The following GPHN variants were observed in gnomAD, a reference collection of about 807,000 sequenced individuals.
The protein encoded by GPHN is gephyrin.
GPHN carries 17 observed loss-of-function variants against 95.5 expected under a neutral mutation model. The observed-to-expected ratio is 0.18, with a 90% CI of 0.12 to 0.27. The LOEUF (loss-of-function observed/expected upper bound fraction) is 0.27. GPHN is among the 10% of genes least tolerant of loss of function. GPHN has a pLI of 1.00. For missense variants in GPHN, 660 were observed against 978.1 expected, an observed-to-expected ratio of 0.67 and a Z score of 4.34; for synonymous variants, 320 against 322.5, an observed-to-expected ratio of 0.99 and a Z score of 0.08.
chr14:66,964,053 G>A (rs900953852), intron 8 of GPHN, among the ~76,000 whole-genome samples: 6 of 152,142 alleles, frequency 3.9e-5, no homozygotes, highest in African/African-American at 4.8e-5. Context: ...ACGTATGCCC[G>A]TTACTGGTAG....
intron 9 of GPHN, among the ~76,000 whole-genome samples, chr14:66,988,121 CT>C (rs1029527541): frequency 1.3e-5 from 2 of 150,848 alleles, no homozygotes; most frequent in Non-Finnish European, 2.9e-5. Flanking sequence ...TCTTTTCCCC[CT>C]CTTTCTTTCT....
At chr14:66,636,994 T>C (rs1480187121) in intron 1 of GPHN, among the ~76,000 whole-genome samples, 2 of 152,192 alleles carry the variant, frequency 1.3e-5, no homozygotes, top group Non-Finnish European at 2.9e-5. Context: ...ATCTCCTCAG[T>C]TAACACCCGG....
At chr14:67,144,660 C>T (rs1260412742) in intron 18 of GPHN, among the ~76,000 whole-genome samples, 1 of 152,066 alleles carries the variant, frequency 6.6e-6, no homozygotes, top group South Asian at 2.1e-4. Context: ...CTAGATCTTA[C>T]GTATATGATT....
At chr14:67,244,542 A>C in the GPHN span, among the ~76,000 whole-genome samples, 1 of 152,196 alleles carries the variant, frequency 6.6e-6, no homozygotes, top group Admixed American at 6.5e-5. Context: ...ATTCCAACTC[A>C]GAGAGCTGTG....
chr14:67,395,695 C>T, the GPHN span: 1 of 765,872 alleles, frequency 1.3e-6, no homozygotes. Flanking sequence ...TGCCAAATGC[C>T]CTGAGCCCTC....
At chr14:67,048,116 C>T (rs893427053) in intron 10 of GPHN, among the ~76,000 whole-genome samples, 1 of 152,192 alleles carries the variant, frequency 6.6e-6, no homozygotes, top group African/African-American at 2.4e-5. Flanking sequence ...CATATTGTTA[C>T]TCTGCTCAGT....
At chr14:67,680,123 C>G in the GPHN span, among the ~76,000 whole-genome samples, 1 of 152,186 alleles carries the variant, frequency 6.6e-6, no homozygotes, top group Non-Finnish European at 1.5e-5. Context: ...GTCCAGGAAT[C>G]TATTTTCAAC....
At chr14:67,507,786 T>A in the GPHN span, among the ~76,000 whole-genome samples, 1 of 152,092 alleles carries the variant, frequency 6.6e-6, no homozygotes, top group African/African-American at 2.4e-5. Flanking sequence ...GACATAGGAA[T>A]GGTGAGTATA....
chr14:66,847,734 G>T (rs1463461008), intron 4 of GPHN, among the ~76,000 whole-genome samples: 1 of 152,044 alleles, frequency 6.6e-6, no homozygotes, highest in South Asian at 2.1e-4. Context: ...TAAACATTTT[G>T]TGGAGGTTTC....
the GPHN span, chr14:67,199,568 C>T: frequency 5.0e-6 from 8 of 1,595,278 alleles, no homozygotes; most frequent in Non-Finnish European, 6.9e-6. Flanking sequence ...CCTCTGTAAC[C>T]ACCCTATCAC....
chr14:66,659,103 C>T (rs2065479329), intron 1 of GPHN, among the ~76,000 whole-genome samples: 1 of 151,784 alleles, frequency 6.6e-6, no homozygotes, highest in African/African-American at 2.4e-5. Flanking sequence ...CACTACTTTT[C>T]CTCTATTCCA....
chr14:67,228,674 A>G, the GPHN span: 2 of 152,234 alleles, frequency 1.3e-5, no homozygotes, highest in African/African-American at 4.8e-5. Flanking sequence ...CTCAGTTTTT[A>G]TGGATGGGGT....
chr14:67,633,775 G>A, the GPHN span, among the ~76,000 whole-genome samples: 8 of 152,316 alleles, frequency 5.3e-5, no homozygotes, highest in African/African-American at 1.9e-4. Flanking sequence ...CTCTGGGTTC[G>A]GAGGAATTGT....
chr14:67,566,051 G>A, the GPHN span, among the ~76,000 whole-genome samples: 8 of 152,196 alleles, frequency 5.3e-5, no homozygotes, highest in East Asian at 1.9e-4. Flanking sequence ...CCCAGGAGGC[G>A]AAGGTTGCAG....
At chr14:67,242,674 G>GT in the GPHN span, among the ~76,000 whole-genome samples, 9 of 151,090 alleles carry the variant, frequency 6.0e-5, no homozygotes, top group Non-Finnish European at 8.9e-5. Flanking sequence ...TTGTGGATAG[G>GT]TTTTATAGGC....
At chr14:66,514,861 T>C (rs943747167) in intron 1 of GPHN, among the ~76,000 whole-genome samples, 4 of 152,074 alleles carry the variant, frequency 2.6e-5, no homozygotes, top group Non-Finnish European at 5.9e-5. Flanking sequence ...GTCTATACCC[T>C]GTAATCTATA....
intron 8 of GPHN, among the ~76,000 whole-genome samples, chr14:66,936,605 T>C (rs1030418785): frequency 6.6e-6 from 1 of 152,202 alleles, no homozygotes; most frequent in Non-Finnish European, 1.5e-5. Flanking sequence ...TACAGTATGA[T>C]ACATGTTAAA....
chr14:66,960,573 A>G (rs10151250), intron 8 of GPHN, among the ~76,000 whole-genome samples: 78,740 of 151,892 alleles, frequency 0.52, 23,599 homozygotes, highest in African/African-American at 0.83. Flanking sequence ...TTCCTTAAAT[A>G]CCTAGAACCA....
chr14:66,879,448 C>T (rs905841653), intron 4 of GPHN, among the ~76,000 whole-genome samples: 8 of 151,642 alleles, frequency 5.3e-5, no homozygotes, highest in South Asian at 4.2e-4. Context: ...TTCCTCTAGC[C>T]AGTACATGGG....
Sources: allele counts gnomAD v4.1 joint callset (sites outside exome capture counted in the v4.1 genomes callset), GRCh38; gene constraint gnomAD v4.1.1; transcripts MANE v1.5; gene names NCBI Gene and HGNC (gene_info 2026-07-23, HGNC 2026-07-21).